The following PRORP variants were observed in gnomAD, a reference collection of about 807,000 sequenced individuals.
The protein encoded by PRORP is mitochondrial ribonuclease P catalytic subunit.
PRORP carries 51 observed loss-of-function variants against 59.4 expected under a neutral mutation model. The observed-to-expected ratio is 0.86, with a 90% confidence interval of 0.69 to 1.08. The LOEUF (loss-of-function observed/expected upper bound fraction) is 1.08. PRORP is among the 50% of genes least tolerant of loss of function. The pLI is 0.00. For synonymous variants in PRORP, 231 were observed against 245.6 expected, an observed-to-expected ratio of 0.94 and a Z score of 0.55; for missense variants, 646 against 690.3, an observed-to-expected ratio of 0.94 and a Z score of 0.72.
Position 35,123,758 on chromosome 14 carries a change from T to C in PRORP, c.513T>C (p.Gly171=), listed in dbSNP as rs768718433. 2.5e-6 allele frequency: 4 copies of C among 1,614,186 alleles called. No homozygotes were observed. The highest frequency in any genetic ancestry group is 3.4e-6 in the Non-Finnish European group (4 of 1,180,036). Residue 171 remains glycine, a synonymous_variant, in exon 2 of 8, where the codon GGT becomes GGC. Coordinates refer to ENST00000534898, the MANE Select transcript of PRORP (RefSeq NM_014672.4). ...LLAWVAAKNN[G]IVSYDLLVKY... is the part of the protein sequence containing the mutation. ...CATGGGTAGCAGCCAAAAATAATGG[T>C]ATTGTAAGTTACGATTTACTGGTCA...
At position 35,273,675 on chromosome 14, in the gene PRORP, G is replaced by T; in HGVS notation, c.*109G>T. On this transcript the variant is annotated 3_prime_UTR_variant, in exon 8 of 8. Transcript: ENST00000534898. ...CATTGCCTCTGTCCTGAAGATAAAA[G>T]GATTCTATTAACAGCATTGACATTG... 1.0e-6 allele frequency: 1 copy of T among 955,512 alleles called. No individual in the cohort carries two copies. The highest frequency in any genetic ancestry group is 1.5e-6 in the Non-Finnish European group (1 of 671,808). 59.2% of individuals were successfully genotyped at this position (955,512 alleles called of 1,614,324 possible). A position where few individuals can be genotyped will look rare whatever the true frequency, so the allele number is the denominator to read the frequency against.
intron 5 of PRORP, among the ~76,000 whole-genome samples, chr14:35,228,053 G>T (rs925343402): frequency 1.3e-5 from 2 of 152,180 alleles, no homozygotes; most frequent in African/African-American, 4.8e-5. Flanking sequence ...TGAGGCAGAA[G>T]AATCGCTTGA....
At chr14:35,201,681 C>T (rs189550879) in intron 5 of PRORP, among the ~76,000 whole-genome samples, 13 of 151,842 alleles carry the variant, frequency 8.6e-5, no homozygotes, top group Admixed American at 3.9e-4. Flanking sequence ...TCACTCTTAT[C>T]ACCCAGGCTG....
chr14:35,234,209 T>C (rs1348178893), intron 5 of PRORP, among the ~76,000 whole-genome samples: 1 of 152,184 alleles, frequency 6.6e-6, no homozygotes, highest in Non-Finnish European at 1.5e-5. Context: ...TGAAATCAGA[T>C]GGAAAGGTTT....
At chr14:35,164,704 C>T (rs1292902214) in intron 4 of PRORP, among the ~76,000 whole-genome samples, 1 of 151,966 alleles carries the variant, frequency 6.6e-6, no homozygotes, top group Non-Finnish European at 1.5e-5. Flanking sequence ...ACAGTATACC[C>T]ATGTAACGAA....
intron 5 of PRORP, among the ~76,000 whole-genome samples, chr14:35,213,118 G>T (rs2139177407): frequency 6.6e-6 from 1 of 152,322 alleles, no homozygotes; most frequent in Non-Finnish European, 1.5e-5. Context: ...GAATTGAAGA[G>T]AGTTTAGGGC....
intron 5 of PRORP, 141 bp from the exon 6 acceptor site, chr14:35,266,586 A>T (rs886197668): frequency 1.2e-6 from 1 of 851,902 alleles, no homozygotes; most frequent in Non-Finnish European, 1.8e-6. Context: ...GCTTTCAAAG[A>T]TGGGAAATTA....
At chr14:35,166,683 C>T (rs1394159828) in intron 4 of PRORP, among the ~76,000 whole-genome samples, 1 of 152,056 alleles carries the variant, frequency 6.6e-6, no homozygotes, top group Admixed American at 6.6e-5. Flanking sequence ...GATCTCTTGA[C>T]CTTGTGATCT....
chr14:35,228,711 T>C (rs2050000023), intron 5 of PRORP, among the ~76,000 whole-genome samples: 1 of 152,246 alleles, frequency 6.6e-6, no homozygotes, highest in Admixed American at 6.5e-5. Context: ...CCACCATTGA[T>C]GGGCATCTAG....
intron 5 of PRORP, among the ~76,000 whole-genome samples, chr14:35,243,663 A>G (rs1218868324): frequency 6.6e-6 from 1 of 152,186 alleles, no homozygotes; most frequent in Non-Finnish European, 1.5e-5. Flanking sequence ...GTTAGAATGT[A>G]GGTTTGCCTA....
chr14:35,177,467 C>G (rs1355524792), intron 4 of PRORP, among the ~76,000 whole-genome samples: 2 of 152,084 alleles, frequency 1.3e-5, no homozygotes, highest in Non-Finnish European at 2.9e-5. Flanking sequence ...CTGGTTTAGT[C>G]TTGGGAGGGT....
At chr14:35,262,696 T>C in intron 5 of PRORP, 1 of 809,526 alleles carries the variant, frequency 1.2e-6, no homozygotes, top group South Asian at 1.3e-5. Context: ...GTACAGAACA[T>C]GATCAAGGGT....
chr14:35,253,969 C>T (rs1044808063), intron 5 of PRORP, among the ~76,000 whole-genome samples: 2 of 151,292 alleles, frequency 1.3e-5, no homozygotes, highest in African/African-American at 4.9e-5. Flanking sequence ...ATTGCATGTT[C>T]CCTGAATGAC....
chr14:35,249,912 T>C (rs892094690), intron 5 of PRORP, among the ~76,000 whole-genome samples: 13 of 152,102 alleles, frequency 8.5e-5, no homozygotes, highest in African/African-American at 3.1e-4. Context: ...AAAGACTAAA[T>C]CACTTTACAT....
intron 5 of PRORP, among the ~76,000 whole-genome samples, chr14:35,187,887 G>A (rs892281660): frequency 4.0e-5 from 6 of 149,058 alleles, no homozygotes; most frequent in South Asian, 2.1e-4. Flanking sequence ...TCGCTTTGTC[G>A]CCCAGGCTGG....
intron 4 of PRORP, among the ~76,000 whole-genome samples, chr14:35,153,209 G>A (rs1172712618): frequency 2.0e-5 from 3 of 152,214 alleles, no homozygotes; most frequent in African/African-American, 4.8e-5. Context: ...CCAACACAGC[G>A]AAACCCCGTC....
intron 5 of PRORP, among the ~76,000 whole-genome samples, chr14:35,190,333 G>A (rs1167341181): frequency 1.3e-5 from 2 of 151,624 alleles, no homozygotes; most frequent in African/African-American, 4.8e-5. Flanking sequence ...AGGAGGCAGA[G>A]GTTGCAGTGA....
At chr14:35,184,696 C>A (rs924526410) in intron 5 of PRORP, among the ~76,000 whole-genome samples, 1 of 152,018 alleles carries the variant, frequency 6.6e-6, no homozygotes, top group Non-Finnish European at 1.5e-5. Flanking sequence ...TCAAGTAGAC[C>A]CCAGTGTCTG....
chr14:35,267,650 G>A (rs1163667185), intron 6 of PRORP, among the ~76,000 whole-genome samples: 8 of 152,142 alleles, frequency 5.3e-5, no homozygotes, highest in Non-Finnish European at 7.4e-5. Context: ...GCATGGTGGC[G>A]GGCGCCTGTA....
Sources: gnomAD v4.1 joint callset for allele counts (sites outside exome capture counted in the v4.1 genomes callset) on GRCh38, gnomAD v4.1.1 for gene constraint, MANE v1.5 for transcripts, NCBI Gene and HGNC (gene_info 2026-07-23, HGNC 2026-07-21) for gene names.